The following PLA2R1 variants were observed in gnomAD, a reference collection of about 807,000 sequenced individuals.
The protein encoded by PLA2R1 is phospholipase A2 receptor 1, also known as secretory phospholipase A2 receptor.
Under a neutral mutation model 195.9 loss-of-function variants are expected in PLA2R1, and 158 were observed. The observed-to-expected ratio is 0.81, with a 90% confidence interval of 0.71 to 0.92. The LOEUF is 0.92. PLA2R1 is among the 40% of genes least tolerant of loss of function. The pLI, the probability that PLA2R1 is intolerant of heterozygous loss-of-function variation, is 0.00. For synonymous variants in PLA2R1, 586 were observed against 598.2 expected, an observed-to-expected ratio of 0.98 and a Z score of 0.30; for missense variants, 1,626 against 1,764.6, an observed-to-expected ratio of 0.92 and a Z score of 1.41.
In PLA2R1 at chr2:159,969,277, C is replaced by T. The variant is rs1254948155; in HGVS notation, c.2743G>A (p.Gly915Ser). The change falls in exon 19 of 30, where the codon GGC (glycine) becomes AGC (serine). Residue 915 changes from glycine to serine, a missense_variant. Coordinates refer to ENST00000283243, the MANE Select transcript of PLA2R1 (RefSeq NM_007366.5). ...TAACCTGTTATAGAAGAAATAAAGC[C>T]ACATCTCTGGCTCTGATTATTCACA... ...RTVNNQSQRC[G>S]FISSITGLWG... 47 of 1,598,878 alleles carry T rather than the reference C, an allele frequency of 2.9e-5. No individual in the cohort carries two copies. The highest frequency in any genetic ancestry group is 3.8e-5 in the Non-Finnish European group (44 of 1,167,094).
At chr2:159,970,542 C>G (rs187732664) in intron 17 of PLA2R1, among the ~76,000 whole-genome samples, 84 of 152,232 alleles carry the variant, frequency 5.5e-4, no homozygotes, top group Admixed American at 1.3e-3. Context: ...ATTGGCTCAT[C>G]CTCTCAGTTA....
intron 17 of PLA2R1, among the ~76,000 whole-genome samples, chr2:159,971,880 T>A (rs1689214619): frequency 1.3e-5 from 2 of 152,176 alleles, no homozygotes; most frequent in Admixed American, 6.5e-5. Context: ...ATCAGCAATT[T>A]GAGAATAATG....
Position 160,062,275 on chromosome 2 carries a change from C to T in PLA2R1, c.109+20G>A. On this transcript the variant is annotated intron_variant, in intron 1 of 29. Transcript: ENST00000283243. ...CCCTCCCCAACGTACCGATCCAGTCCCCGACCCTGGGAGACTCACCCTGCC... is the reference window on the plus strand; with the variant it reads ...CCCTCCCCAACGTACCGATCCAGTCTCCGACCCTGGGAGACTCACCCTGCC... 6.9e-7 allele frequency: 1 copy of T among 1,445,236 alleles called. No individual in the cohort carries two copies. The highest frequency in any genetic ancestry group is 9.1e-7 in the Non-Finnish European group (1 of 1,093,762). 89.5% of individuals were successfully genotyped at this position (1,445,236 alleles called of 1,614,324 possible).
chr2:159,997,273 A>T (rs1281031125), intron 11 of PLA2R1, among the ~76,000 whole-genome samples: 1 of 151,840 alleles, frequency 6.6e-6, no homozygotes, highest in African/African-American at 2.4e-5. Flanking sequence ...CTTCTCAGTT[A>T]TTTTTCCCTG....
At chr2:160,013,703 GTCTCTCTC>G (rs879130648) in intron 9 of PLA2R1, among the ~76,000 whole-genome samples, 5,478 of 93,798 alleles carry the variant, frequency 0.058, 202 homozygotes, top group East Asian at 0.072. Context: ...CTCTCTCTCT[GTCTCTCTC>G]TCTCTCTCTC....
chr2:159,928,743 C>T (rs1462997194), downstream of PLA2R1, among the ~76,000 whole-genome samples: 3 of 152,190 alleles, frequency 2.0e-5, no homozygotes, highest in Admixed American at 6.5e-5. Flanking sequence ...ATCACATTAT[C>T]TGACTTCAAA....
chr2:160,002,642 C>A (rs1276371653), intron 11 of PLA2R1, among the ~76,000 whole-genome samples: 1 of 151,944 alleles, frequency 6.6e-6, no homozygotes, highest in Non-Finnish European at 1.5e-5. Context: ...GGACTTTACC[C>A]CAGATCTACT....
intron 20 of PLA2R1, among the ~76,000 whole-genome samples, chr2:159,964,952 G>C (rs1431520317): frequency 6.6e-6 from 1 of 151,968 alleles, no homozygotes; most frequent in East Asian, 1.9e-4. Context: ...ACTTGAACCT[G>C]GGAGATAAAG....
chr2:160,043,838 T>G (rs553386008), intron 2 of PLA2R1, among the ~76,000 whole-genome samples: 73 of 152,348 alleles, frequency 4.8e-4, no homozygotes, highest in African/African-American at 1.7e-3. Flanking sequence ...ATTTCTTCTT[T>G]AGGAGTTCCT....
At chr2:159,975,207 T>C (rs1019547901) in intron 17 of PLA2R1, among the ~76,000 whole-genome samples, 4 of 152,212 alleles carry the variant, frequency 2.6e-5, no homozygotes, top group Admixed American at 6.6e-5. Flanking sequence ...TAAAATTGTA[T>C]GTATTTATTG....
At chr2:160,035,566 A>T (rs17241394) in intron 3 of PLA2R1, among the ~76,000 whole-genome samples, 23,797 of 152,164 alleles carry the variant, frequency 0.16, 2,120 homozygotes, top group African/African-American at 0.24. Flanking sequence ...TATTCTTTAC[A>T]TCTTTGATTG....
At chr2:160,002,137 T>C (rs1691641855) in intron 11 of PLA2R1, among the ~76,000 whole-genome samples, 1 of 151,806 alleles carries the variant, frequency 6.6e-6, no homozygotes, top group Non-Finnish European at 1.5e-5. Flanking sequence ...AAATAAGGTA[T>C]TGACAACAAA....
intron 12 of PLA2R1, among the ~76,000 whole-genome samples, chr2:159,986,125 T>C (rs1489544665): frequency 6.6e-6 from 1 of 152,100 alleles, no homozygotes; most frequent in East Asian, 1.9e-4. Context: ...CGGTTGCTTC[T>C]TGCTGCCTAT....
chr2:159,999,903 AT>A (rs1691476941), intron 11 of PLA2R1, among the ~76,000 whole-genome samples: 1 of 152,184 alleles, frequency 6.6e-6, no homozygotes, highest in Non-Finnish European at 1.5e-5. Context: ...ACCCTGAAAG[AT>A]TCTTTTGGTC....
intron 20 of PLA2R1, among the ~76,000 whole-genome samples, chr2:159,958,590 G>C (rs1175962701): frequency 6.6e-6 from 1 of 152,026 alleles, no homozygotes; most frequent in African/African-American, 2.4e-5. Context: ...CATCACACCA[G>C]AGAAGGCCCC....
chr2:159,959,875 A>G (rs1028177923), intron 20 of PLA2R1, among the ~76,000 whole-genome samples: 4 of 152,032 alleles, frequency 2.6e-5, no homozygotes, highest in East Asian at 1.9e-4. Context: ...TGCCACCACT[A>G]TCTTAGCCCA....
In PLA2R1 at chr2:160,044,825, A is replaced by G; in HGVS notation, c.442T>C (p.Trp148Arg). 1 of 1,612,442 alleles carries G rather than the reference A, an allele frequency of 6.2e-7. No homozygotes were observed. Among genetic ancestry groups the G allele is most frequent in the Non-Finnish European group, 8.5e-7 (1 of 1,178,466 alleles). ...VVASRKYIHK[W>R]ISYGSGGGDI... ...CCACCACCTGACCCATAAGAAATCC[A>G]CTTATGAATATACTTCCGTGAGGCC... The change falls in exon 2 of 30, where the codon TGG (tryptophan) becomes CGG (arginine). Residue 148 changes from tryptophan (W) to arginine (R), a missense_variant. Transcript: ENST00000283243.
rs749743131 is a variant in PLA2R1, at chr2:160,013,357, C to T, written c.1570G>A (p.Gly524Arg). 2 of 1,601,730 alleles carry T rather than the reference C, an allele frequency of 1.2e-6. No homozygotes were observed. The highest frequency in any genetic ancestry group is 1.7e-6 in the Non-Finnish European group (2 of 1,169,496). Residue 524 changes from glycine (G) to arginine (R), a missense_variant, in exon 10 of 30, where the codon GGA becomes AGA. Gly to Arg is a moderately radical substitution (Grantham distance 125). Transcript: ENST00000283243. ...GCQEGWERHG[G>R]FCYKIDTVLR... is the part of the protein sequence containing the mutation. ...ACTGTGTCAATTTTGTAACAGAATC[C>T]ACCATGTCTCTCCCATCCCTTAAAA...
intron 1 of PLA2R1, among the ~76,000 whole-genome samples, chr2:160,048,050 C>T (rs1325370393): frequency 1.3e-5 from 2 of 152,064 alleles, no homozygotes; most frequent in African/African-American, 2.4e-5. Context: ...CCAGGATGGT[C>T]TCAAACTCCT....
Sources: gnomAD v4.1 joint callset for allele counts (sites outside exome capture counted in the v4.1 genomes callset) on GRCh38, gnomAD v4.1.1 for gene constraint, MANE v1.5 for transcripts, NCBI Gene and HGNC (gene_info 2026-07-23, HGNC 2026-07-21) for gene names.